Variants in ZNF525 observed in about 807,000 individuals in gnomAD.
The protein encoded by ZNF525 is zinc finger protein 525.
ZNF525 carries 33 observed loss-of-function variants against 37.6 expected under a neutral mutation model. That is an observed-to-expected ratio of 0.88 (90% confidence interval 0.67 to 1.17). The LOEUF is 1.17. ZNF525 is among the 50% of genes most tolerant of loss of function. The pLI, the probability that ZNF525 is intolerant of heterozygous loss-of-function variation, is 0.00. For synonymous variants in ZNF525, 170 were observed against 182.3 expected, an observed-to-expected ratio of 0.93 and a Z score of 0.54; for missense variants, 449 against 543.1, an observed-to-expected ratio of 0.83 and a Z score of 1.72.
At chr19:53,371,733 G>A (rs2085489632) in intron 1 of ZNF525, among the ~76,000 whole-genome samples, 1 of 152,138 alleles carries the variant, frequency 6.6e-6, no homozygotes, top group Non-Finnish European at 1.5e-5. Context: ...TCGAACTCCT[G>A]AGCTCAAGTG....
In ZNF525 at chr19:53,386,001, C is replaced by A; in HGVS notation, c.*3982C>A. On this transcript the variant is annotated 3_prime_UTR_variant, in exon 4 of 4. Coordinates refer to ENST00000474037, the MANE Select transcript of ZNF525 (RefSeq NM_001348156.2). ...TGAAACACCATCTCTAGTAAAAATA[C>A]AAAAATTAGCTCAGCATGGTGGCAT... is the stretch of plus-strand genomic sequence containing the variant. 1 of 227,646 alleles carries A rather than the reference C, an allele frequency of 4.4e-6. No homozygotes were observed. Among genetic ancestry groups the A allele is most frequent in the Non-Finnish European group, 8.8e-6 (1 of 113,066 alleles). The allele number at this position is 227,646 out of a possible 1,614,324, so 14.1% of individuals were successfully genotyped here. A position where few individuals can be genotyped will look rare whatever the true frequency, so the allele number is the denominator to read the frequency against.
chr19:53,386,477 TG>T lies in ZNF525; in HGVS notation c.*4460del. The T allele has an allele frequency of 1.5e-6, 1 of 647,468 alleles. No individual in the cohort carries two copies. The highest frequency in any genetic ancestry group is 2.8e-6 in the Non-Finnish European group (1 of 355,942). 40.1% of individuals were successfully genotyped at this position (647,468 alleles called of 1,614,324 possible). A position where few individuals can be genotyped will look rare whatever the true frequency, so the allele number is the denominator to read the frequency against. On this transcript the variant is annotated 3_prime_UTR_variant, in exon 4 of 4. Coordinates refer to ENST00000474037, the MANE Select transcript of ZNF525 (RefSeq NM_001348156.2). ...TCAAGCTGAAAATGTCACCACTATC[TG>T]GACAGTTGGACATGTTTTATTGGGA...
rs1457355789 is a variant in ZNF525 at position 53,381,858 on chromosome 19, G to A, written c.1279G>A (p.Glu427Lys). ...DEAFRFKSSL[E>K]RHRRIHNGEK... ...AGCTTTCCGTTTCAAATCAAGTCTT[G>A]AAAGACATAGGAGAATTCATAATGG... The change falls in exon 4 of 4, where the codon GAA becomes AAA. Residue 427 changes from glutamate to lysine, a missense_variant. Physicochemically the swap from Glu to Lys is moderately conservative, Grantham distance 56. Coordinates refer to ENST00000474037, the MANE Select transcript of ZNF525 (RefSeq NM_001348156.2). 2 of 1,030,582 alleles carry A rather than the reference G, an allele frequency of 1.9e-6. No individual in the cohort carries two copies. The highest frequency in any genetic ancestry group is 1.3e-5 in the South Asian group (1 of 79,248). 63.8% of individuals were successfully genotyped at this position (1,030,582 alleles called of 1,614,324 possible). A position where few individuals can be genotyped will look rare whatever the true frequency, so the allele number is the denominator to read the frequency against.
chr19:53,380,302 C>A (rs1224869134), intron 3 of ZNF525, among the ~76,000 whole-genome samples: 1 of 152,070 alleles, frequency 6.6e-6, no homozygotes, highest in African/African-American at 2.4e-5. Flanking sequence ...GATTATTTAA[C>A]AATACAGAAT....
Position 53,383,486 on chromosome 19 carries a change from G to A in ZNF525, c.*1467G>A. The A allele has an allele frequency of 2.7e-6, 3 of 1,093,680 alleles. No homozygotes were observed. Among genetic ancestry groups the A allele is most frequent in the Non-Finnish European group, 4.0e-6 (3 of 752,544 alleles). 67.7% of individuals were successfully genotyped at this position (1,093,680 alleles called of 1,614,324 possible). A position where few individuals can be genotyped will look rare whatever the true frequency, so the allele number is the denominator to read the frequency against. On this transcript the variant is annotated 3_prime_UTR_variant, in exon 4 of 4. Coordinates refer to ENST00000474037, the MANE Select transcript of ZNF525 (RefSeq NM_001348156.2). Reference sequence around the variant, plus strand: ...CATACTGGAGAGAAACCATAAAAATGTAAGAGTTTTTGACAAGGCTTTCGG... The same window carrying A: ...CATACTGGAGAGAAACCATAAAAATATAAGAGTTTTTGACAAGGCTTTCGG...
chr19:53,376,173 C>A (rs1321784121), intron 3 of ZNF525: 3 of 798,056 alleles, frequency 3.8e-6, no homozygotes, highest in Non-Finnish European at 6.4e-6. Context: ...GTCTTGATCT[C>A]CTGGGCTCAA....
At chr19:53,380,126 T>G (rs1280069706) in intron 3 of ZNF525, among the ~76,000 whole-genome samples, 2 of 152,158 alleles carry the variant, frequency 1.3e-5, no homozygotes, top group East Asian at 3.9e-4. Flanking sequence ...AGTCTCACTT[T>G]GTCATCCAGG....
chr19:53,382,881 A>C lies in ZNF525; in HGVS notation c.*862A>C. ...AACCTTGAAAGTCATAGGAGAATTC[A>C]TACTAGAGAGAAACCTTACAAGTGT... On this transcript the variant is annotated 3_prime_UTR_variant, in exon 4 of 4. Transcript: ENST00000474037. 7.1e-7 allele frequency: 1 copy of C among 1,400,252 alleles called. No homozygotes were observed. Among genetic ancestry groups the C allele is most frequent in the Non-Finnish European group, 1.0e-6 (1 of 994,354 alleles). The allele number at this position is 1,400,252 out of a possible 1,614,324, so 86.7% of individuals were successfully genotyped here.
rs762488069 is a variant in ZNF525, at chr19:53,381,409, G to T, written c.830G>T (p.Gly277Val). The change falls in exon 4 of 4, where the codon GGC (glycine) becomes GTC (valine). Residue 277 changes from glycine to valine, a missense_variant. Coordinates refer to ENST00000474037, the MANE Select transcript of ZNF525 (RefSeq NM_001348156.2). ...AAACCTTACAAGTGTAATGAGTGTGGCAAGTCCTTCAGTCAGATGTCATCC... is the reference window on the plus strand; with the variant it reads ...AAACCTTACAAGTGTAATGAGTGTGTCAAGTCCTTCAGTCAGATGTCATCC... ...GEKPYKCNEC[G>V]KSFSQMSSLT... 30 of 1,591,040 alleles carry T rather than the reference G, an allele frequency of 1.9e-5. No homozygotes were observed. The highest frequency in any genetic ancestry group is 2.3e-5 in the Non-Finnish European group (27 of 1,159,208).
In ZNF525 at chr19:53,380,794, GGA is replaced by G. The variant is rs1162549098; in HGVS notation, c.216_217del (p.Thr73IlefsTer5). On this transcript the variant is annotated frameshift_variant, in exon 4 of 4. Coordinates refer to ENST00000474037, the MANE Select transcript of ZNF525 (RefSeq NM_001348156.2). LOFTEE classifies it high-confidence loss of function. ...GGCAATACAGAAGTGATCCACACAG[GGA>G]CATTGCAAAGACATGAACGTCATCA... The G allele has an allele frequency of 4.2e-6, 6 of 1,413,424 alleles. No homozygotes were observed. The highest frequency in any genetic ancestry group is 6.0e-6 in the Non-Finnish European group (6 of 997,360). 87.6% of individuals were successfully genotyped at this position (1,413,424 alleles called of 1,614,324 possible). A position where few individuals can be genotyped will look rare whatever the true frequency, so the allele number is the denominator to read the frequency against.
chr19:53,369,414 GAC>G (rs386810692), intron 1 of ZNF525, among the ~76,000 whole-genome samples: 6,567 of 139,588 alleles, frequency 0.047, 293 homozygotes, highest in African/African-American at 0.074. Context: ...TTTTAGTAGA[GAC>G]GGGTTTCACC....
rs759191293 is a variant in ZNF525, at chr19:53,380,769, G to A, written c.190G>A (p.Gly64Ser). The A allele has an allele frequency of 7.4e-7, 1 of 1,359,608 alleles. No individual in the cohort carries two copies. The highest frequency in any genetic ancestry group is 1.2e-5 in the South Asian group (1 of 85,196). 84.2% of individuals were successfully genotyped at this position (1,359,608 alleles called of 1,614,324 possible). ...TMKEFSSTAQ[G>S]NTEVIHTGTL... ...GAAGGAGTTCTCATCAACAGCACAA[G>A]GCAATACAGAAGTGATCCACACAGG... The change falls in exon 4 of 4, where the codon GGC becomes AGC. Residue 64 changes from glycine to serine, a missense_variant. Coordinates refer to ENST00000474037, the MANE Select transcript of ZNF525 (RefSeq NM_001348156.2).
chr19:53,381,522 C>G lies in ZNF525; in HGVS notation c.943C>G (p.Gln315Glu), dbSNP rs267605655. 1.1e-5 allele frequency: 14 copies of G among 1,269,888 alleles called. No homozygotes were observed. In the South Asian group the frequency reaches 1.3e-4, roughly 12 times the overall value. 78.7% of individuals were successfully genotyped at this position (1,269,888 alleles called of 1,614,324 possible). A position where few individuals can be genotyped will look rare whatever the true frequency, so the allele number is the denominator to read the frequency against. ...AGCTTTCAGACACAATTCAGCCCTT[C>G]AAAGACATAGGAGAATTCATACTGG... ...DKAFRHNSAL[Q>E]RHRRIHTGEK... Residue 315 changes from glutamine (Q) to glutamate (E), a missense_variant, in exon 4 of 4, where the codon CAA becomes GAA. By Grantham distance (29) the Gln-to-Glu change is conservative. Around this residue, in one of 2 missense-constraint regions of ZNF525, gnomAD observed 178 missense variants for 161.5 expected, o/e 1.10. Coordinates refer to ENST00000474037, the MANE Select transcript of ZNF525 (RefSeq NM_001348156.2).
At position 53,381,472 on chromosome 19, in the gene ZNF525, C is replaced by G; in HGVS notation, c.893C>G (p.Pro298Arg). The change falls in exon 4 of 4, where the codon CCT becomes CGT. Residue 298 changes from proline to arginine, a missense_variant. This residue lies in a region of ZNF525 where 271 missense variants were observed against 381.6 expected (regional missense o/e 0.71). Coordinates refer to ENST00000474037, the MANE Select transcript of ZNF525 (RefSeq NM_001348156.2). The part of the protein sequence containing the change: ...YHHRLHTGEK[P>R]YKCEECDKAF... ...CATCGACTTCATACTGGAGAGAAAC[C>G]TTACAAATGTGAAGAATGTGACAAA... 2 of 1,426,346 alleles carry G rather than the reference C, an allele frequency of 1.4e-6. No individual in the cohort carries two copies. Among genetic ancestry groups the G allele is most frequent in the Non-Finnish European group, 2.0e-6 (2 of 1,009,016 alleles). 88.4% of individuals were successfully genotyped at this position (1,426,346 alleles called of 1,614,324 possible). A position where few individuals can be genotyped will look rare whatever the true frequency, so the allele number is the denominator to read the frequency against.
At position 53,377,093 on chromosome 19, in the gene ZNF525, T is replaced by C. The variant is rs749278719; in HGVS notation, c.142+1197T>C. ...ATATATGTACAGTGTTTTTTCATGC[T>C]TTTTTCTTCTAAATAATAGGAAAAA... On this transcript the variant is annotated intron_variant, in intron 3 of 3. Coordinates refer to ENST00000474037, the MANE Select transcript of ZNF525 (RefSeq NM_001348156.2). Among the ~76,000 whole-genome samples the C allele has an allele frequency of 9.2e-5, 14 of 152,376 alleles. No homozygotes were observed. The South Asian group carries it at 2.3e-3, about 25-fold the overall frequency.
At chr19:53,368,381 T>C (rs1372240593) in intron 1 of ZNF525, among the ~76,000 whole-genome samples, 1 of 152,230 alleles carries the variant, frequency 6.6e-6, no homozygotes, top group Non-Finnish European at 1.5e-5. Context: ...TTAATTCTTC[T>C]AGTGACTCTG....
At position 53,381,269 on chromosome 19, in the gene ZNF525, A is replaced by T. The variant is rs1008513548; in HGVS notation, c.690A>T (p.Leu230Phe). The stretch of plus-strand genomic sequence containing the variant: ...AAGCCTTTAATTATAGCTCACTCTT[A>T]AGGAAACATCAGATTATTCATCTAG... ...SGKAFNYSSLLRKHQIIHLGE... is the reference protein window; with the variant it reads ...SGKAFNYSSLFRKHQIIHLGE... The change falls in exon 4 of 4, where the codon TTA becomes TTT. Residue 230 changes from leucine to phenylalanine, a missense_variant. Physicochemically the swap from Leu to Phe is conservative, Grantham distance 22. Transcript: ENST00000474037. 7.0e-7 allele frequency: 1 copy of T among 1,421,934 alleles called. No homozygotes were observed. The highest frequency in any genetic ancestry group is 1.1e-5 in the South Asian group (1 of 87,036). The allele number at this position is 1,421,934 out of a possible 1,614,324, so 88.1% of individuals were successfully genotyped here.
intron 1 of ZNF525, among the ~76,000 whole-genome samples, chr19:53,368,781 T>C (rs2085465490): frequency 6.6e-6 from 1 of 152,130 alleles, no homozygotes; most frequent in Admixed American, 6.5e-5. Flanking sequence ...TGTGGAGACA[T>C]GAATGGGGTA....
At chr19:53,379,728 G>A (rs1280430257) in intron 3 of ZNF525, among the ~76,000 whole-genome samples, 1 of 152,240 alleles carries the variant, frequency 6.6e-6, no homozygotes, top group Non-Finnish European at 1.5e-5. Context: ...GCCAGCGGGT[G>A]CTGTGGCTCA....
Sources: allele counts gnomAD v4.1 joint callset (sites outside exome capture counted in the v4.1 genomes callset), GRCh38; gene constraint gnomAD v4.1.1; regional missense constraint gnomAD v4.1.1; transcripts MANE v1.5; gene names NCBI Gene and HGNC (gene_info 2026-07-23, HGNC 2026-07-21).